The following CNIH2 variants were observed in gnomAD, a reference collection of about 807,000 sequenced individuals.
The protein encoded by CNIH2 is protein cornichon homolog 2.
In CNIH2, 8 loss-of-function variants were observed where a neutral mutation model predicts 22.9. The ratio of observed to expected loss-of-function variants is 0.35; its 90% CI spans 0.20 to 0.63. CNIH2 has a LOEUF of 0.63. Ranked by LOEUF, CNIH2 falls within the 30% of genes least tolerant of loss-of-function variation. The probability of loss-of-function intolerance (pLI) is 0.72; values close to 1 mark genes in which losing one functional copy is unlikely to be tolerated. For synonymous variants in CNIH2, 74 were observed against 78.2 expected (o/e 0.95, Z 0.28); for missense variants, 105 against 206.2 (o/e 0.51, Z 3.01).
chr11:66,282,926 C>A, intron 3 of CNIH2, 109 bp from the exon 4 acceptor site: 1 of 1,357,338 alleles, frequency 7.4e-7, no homozygotes. Flanking sequence ...TTTTAATCCC[C>A]AGAGGTCACG....
At chr11:66,280,776 G>A (rs1339414378) in intron 1 of CNIH2, among the ~76,000 whole-genome samples, 2 of 152,118 alleles carry the variant, frequency 1.3e-5, no homozygotes, top group African/African-American at 2.4e-5. Context: ...GGGGAGGGGG[G>A]ATGATCCAGA....
At chr11:66,280,178 G>A (rs1242344304) in intron 1 of CNIH2, among the ~76,000 whole-genome samples, 1 of 152,234 alleles carries the variant, frequency 6.6e-6, no homozygotes, top group African/African-American at 2.4e-5. Context: ...GCTCTGGGTG[G>A]CTTTGAGGGG....
chr11:66,283,781 T>C lies in CNIH2; in HGVS notation c.*184T>C, dbSNP rs1857302459. 3.2e-6 allele frequency: 2 copies of C among 616,316 alleles called. No homozygotes were observed. Among genetic ancestry groups the C allele is most frequent in the Non-Finnish European group, 2.8e-6 (1 of 356,704 alleles). 38.2% of individuals were successfully genotyped at this position (616,316 alleles called of 1,614,324 possible). Reference sequence around the variant, plus strand: ...CACCCCGCCTTCAGAGCCCTCCCCCTTGGACTAGAGCGGCTGGGCAGAGCT... The same window carrying C: ...CACCCCGCCTTCAGAGCCCTCCCCCCTGGACTAGAGCGGCTGGGCAGAGCT... On this transcript the variant is annotated 3_prime_UTR_variant, in exon 6 of 6. Coordinates refer to ENST00000311445, the MANE Select transcript of CNIH2 (RefSeq NM_182553.3).
At position 66,278,510 on chromosome 11, in the gene CNIH2, C is replaced by T. The variant is rs1857198313; in HGVS notation, c.54C>T (p.Ala18=). The part of the protein sequence containing the change: ...FCYMLTLVLC[A]SLIFFVIWHI... The stretch of plus-strand genomic sequence containing the variant: ...ACATGCTCACCCTGGTGCTGTGCGC[C>T]TCCCTCATCTTCTTTGTCATCTGGC... The change falls in exon 1 of 6, where the codon GCC becomes GCT. Residue 18 remains alanine, a synonymous_variant. Coordinates refer to ENST00000311445, the MANE Select transcript of CNIH2 (RefSeq NM_182553.3). 7 of 1,558,606 alleles carry T rather than the reference C, an allele frequency of 4.5e-6. No individual in the cohort carries two copies. Among genetic ancestry groups the T allele is most frequent in the Non-Finnish European group, 6.1e-6 (7 of 1,155,558 alleles).
At chr11:66,282,423 T>TGGGGGTCTGGGGGGGGGGGGGGG in intron 2 of CNIH2, 96 bp downstream of exon 2, 1 of 147,070 alleles carries the variant, frequency 6.8e-6, no homozygotes, top group South Asian at 8.7e-5. Flanking sequence ...GGGGGTGGGG[T>TGGGGGTCTGGGGGGGGGGGGGGG]GGGGGGCCTA....
At chr11:66,279,958 G>C (rs1181025417) in intron 1 of CNIH2, among the ~76,000 whole-genome samples, 2 of 152,190 alleles carry the variant, frequency 1.3e-5, no homozygotes, top group African/African-American at 4.8e-5. Flanking sequence ...AGGAGGGCTA[G>C]GGTTCTAAGG....
At chr11:66,282,514 C>T (rs1356498304) in intron 2 of CNIH2, 187 bp downstream of exon 2, 1 of 869,672 alleles carries the variant, frequency 1.1e-6, no homozygotes, top group Non-Finnish European at 1.8e-6. Flanking sequence ...CTTGGCGGGG[C>T]GGTGGTTGCC....
At chr11:66,282,679 C>T (rs534271551) in intron 2 of CNIH2, 54 bp from the exon 3 acceptor site, 39 of 1,604,240 alleles carry the variant, frequency 2.4e-5, no homozygotes, top group Non-Finnish European at 3.2e-5. Context: ...GTGGGAGCTG[C>T]TCCAGTACCT....
Position 66,283,121 on chromosome 11 carries a change from C to A in CNIH2, c.285C>A (p.Ile95=), listed in dbSNP as rs755214124. The A allele has an allele frequency of 1.9e-6, 3 of 1,613,924 alleles. No homozygotes were observed. In the East Asian group the frequency reaches 6.7e-5, roughly 36 times the overall value. Residue 95 remains isoleucine, a synonymous_variant, in exon 4 of 6, where the codon ATC becomes ATA. Coordinates refer to ENST00000311445, the MANE Select transcript of CNIH2 (RefSeq NM_182553.3). ...AGTGGGTGACCCTGGGCCTCAACAT[C>A]CCCCTCCTCTTCTACCACCTCTGGA... is the stretch of plus-strand genomic sequence containing the variant. ...AAEWVTLGLN[I]PLLFYHLWRY...
In CNIH2 at chr11:66,283,634, C is replaced by T. The variant is rs1857299182; in HGVS notation, c.*37C>T. 9 of 1,554,888 alleles carry T rather than the reference C, an allele frequency of 5.8e-6. No homozygotes were observed. The highest frequency in any genetic ancestry group is 1.9e-5 in the Admixed American group (1 of 51,490). On this transcript the variant is annotated 3_prime_UTR_variant, in exon 6 of 6. Coordinates refer to ENST00000311445, the MANE Select transcript of CNIH2 (RefSeq NM_182553.3). ...GCCAGGGAGCGAGCCCAGAACGGAC[C>T]GGACGCCTGTGCACCCCCAGCCCTG...
At chr11:66,282,423 T>TGGGGGTTGGGGGGGGGGGGGGG in intron 2 of CNIH2, 96 bp downstream of exon 2, 1 of 147,066 alleles carries the variant, frequency 6.8e-6, no homozygotes. Context: ...GGGGGTGGGG[T>TGGGGGTTGGGGGGGGGGGGGGG]GGGGGGCCTA....
chr11:66,282,428 G>GA, intron 2 of CNIH2, 101 bp downstream of exon 2: 1 of 713,852 alleles, frequency 1.4e-6, no homozygotes, highest in Admixed American at 2.1e-5. Flanking sequence ...TGGGGTGGGG[G>GA]GCCTACGGCC....
At chr11:66,282,432 T>C (rs1413050604) in intron 2 of CNIH2, 105 bp downstream of exon 2, 1 of 1,056,158 alleles carries the variant, frequency 9.5e-7, no homozygotes, top group African/African-American at 1.6e-5. Context: ...GTGGGGGGCC[T>C]ACGGCCATGC....
intron 3 of CNIH2, 101 bp downstream of exon 3, chr11:66,282,881 C>A: frequency 6.9e-7 from 1 of 1,457,356 alleles, no homozygotes; most frequent in Non-Finnish European, 9.5e-7. Context: ...CTGTTTGATC[C>A]ACTCTACTTG....
At chr11:66,282,493 G>A (rs1857274325) in intron 2 of CNIH2, 166 bp downstream of exon 2, 2 of 948,996 alleles carry the variant, frequency 2.1e-6, no homozygotes, top group African/African-American at 3.3e-5. Flanking sequence ...CGGGCTCAGG[G>A]CTGAGTTCCT....
At chr11:66,280,289 T>C (rs992317812) in intron 1 of CNIH2, among the ~76,000 whole-genome samples, 4 of 152,220 alleles carry the variant, frequency 2.6e-5, no homozygotes, top group South Asian at 2.1e-4. Context: ...TCAACAGATA[T>C]TGATTGAGCA....
At chr11:66,282,594 C>A in intron 2 of CNIH2, 139 bp from the exon 3 acceptor site, 2 of 1,046,184 alleles carry the variant, frequency 1.9e-6, no homozygotes, top group Admixed American at 2.2e-5. Context: ...ATGGGGACGG[C>A]GCGGCTGCTT....
Position 66,282,797 on chromosome 11 carries a change from G to T in CNIH2, c.198+17G>T. On this transcript the variant is annotated intron_variant, in intron 3 of 5. Coordinates refer to ENST00000311445, the MANE Select transcript of CNIH2 (RefSeq NM_182553.3). Reference sequence around the variant, plus strand: ...CTGAGGAAGGTCAGTGTCAGGGCTGGGGGCAGGAGGCTCCTAGCCCAGCGC... The same window carrying T: ...CTGAGGAAGGTCAGTGTCAGGGCTGTGGGCAGGAGGCTCCTAGCCCAGCGC... 6.2e-7 allele frequency: 1 copy of T among 1,605,312 alleles called. No homozygotes were observed. Among genetic ancestry groups the T allele is most frequent in the Non-Finnish European group, 8.5e-7 (1 of 1,176,382 alleles).
At position 66,282,625 on chromosome 11, in the gene CNIH2, CG is replaced by C. The variant is rs1001397293; in HGVS notation, c.151-107del. The C allele has an allele frequency of 5.2e-6, 7 of 1,341,050 alleles. No individual in the cohort carries two copies. The African/African-American group carries it at 1.0e-4, about 19-fold the overall frequency. 83.1% of individuals were successfully genotyped at this position (1,341,050 alleles called of 1,614,324 possible). On this transcript the variant is annotated intron_variant, in intron 2 of 5. Transcript: ENST00000311445. ...TGCTTCCCGGCCGTGCCGACAGTGC[CG>C]CAGAGATCGCTCTGGCGCCCCCTGG...
Sources: allele counts gnomAD v4.1 joint callset (sites outside exome capture counted in the v4.1 genomes callset), GRCh38; gene constraint gnomAD v4.1.1; transcripts MANE v1.5; gene names NCBI Gene and HGNC (gene_info 2026-07-23, HGNC 2026-07-21).